The following TMEM244 variants were observed in gnomAD, a reference collection of about 807,000 sequenced individuals.
TMEM244 encodes the protein transmembrane protein 244, also known as putative transmembrane protein 244.
A neutral mutation model predicts 15.8 loss-of-function variants in TMEM244; 13 were observed. That is an observed-to-expected ratio of 0.82 (90% CI 0.53 to 1.30). The LOEUF is 1.30. Among genes scored for constraint, TMEM244 ranks in the 50% most tolerant of loss-of-function variants. The probability of loss-of-function intolerance (pLI) is 0.00; values close to 1 mark genes in which losing one functional copy is unlikely to be tolerated. For missense variants in TMEM244, 161 were observed against 144.9 expected, an observed-to-expected ratio of 1.11 and a Z score of -0.57; for synonymous variants, 45 against 48.7, an observed-to-expected ratio of 0.92 and a Z score of 0.32.
At chr6:129,848,776 G>T (rs1246307882) in intron 1 of TMEM244, among the ~76,000 whole-genome samples, 1 of 152,036 alleles carries the variant, frequency 6.6e-6, no homozygotes, top group East Asian at 1.9e-4. Context: ...CTTTGGGTTT[G>T]CTTTATTCTT....
At chr6:129,860,074 AG>A (rs1429361345) in intron 1 of TMEM244, among the ~76,000 whole-genome samples, 1 of 151,386 alleles carries the variant, frequency 6.6e-6, no homozygotes, top group Non-Finnish European at 1.5e-5. Flanking sequence ...GAGGAACTGC[AG>A]CAACTATCTG....
intron 4 of TMEM244, among the ~76,000 whole-genome samples, chr6:129,832,337 A>T (rs1776340085): frequency 6.6e-6 from 1 of 152,054 alleles, no homozygotes; most frequent in Admixed American, 6.6e-5. Context: ...ACCTCAGGTG[A>T]TCTGCCCACC....
At chr6:129,859,069 C>T (rs1179047824) in intron 1 of TMEM244, among the ~76,000 whole-genome samples, 3 of 152,102 alleles carry the variant, frequency 2.0e-5, no homozygotes, top group African/African-American at 7.2e-5. Context: ...GCTGGGATTA[C>T]AGGCATGAGC....
In TMEM244 at chr6:129,831,379, C is replaced by T. The variant is rs1776327229; in HGVS notation, c.327G>A (p.Leu109=). The change falls in exon 5 of 5, where the codon TTG becomes TTA. Residue 109 remains leucine, a synonymous_variant. Coordinates refer to ENST00000368143, the MANE Select transcript of TMEM244 (RefSeq NM_001010876.2). ...ACCAATGTGATGTCAAGGGGAATTC[C>T]AACATAACTGCAATAGAAAAAAAAT... ...LHVAITSTVM[L]EFPLTSHWWA... 1.3e-6 allele frequency: 2 copies of T among 1,571,236 alleles called. No homozygotes were observed.
chr6:129,856,711 T>G (rs376844395), intron 1 of TMEM244, among the ~76,000 whole-genome samples: 5 of 152,124 alleles, frequency 3.3e-5, no homozygotes, highest in Admixed American at 6.6e-5. Context: ...TTTCTTTTCT[T>G]TAAGGTTCTC....
At chr6:129,837,479 G>A (rs1265800406) in intron 3 of TMEM244, among the ~76,000 whole-genome samples, 1 of 151,998 alleles carries the variant, frequency 6.6e-6, no homozygotes, top group Non-Finnish European at 1.5e-5. Flanking sequence ...CATGCCAAAT[G>A]GTAAAGACTT....
At chr6:129,841,076 A>G (rs897166601) in intron 3 of TMEM244, among the ~76,000 whole-genome samples, 3 of 152,240 alleles carry the variant, frequency 2.0e-5, no homozygotes, top group Non-Finnish European at 4.4e-5. Flanking sequence ...ATTACTGGGC[A>G]TATACCCAAA....
chr6:129,838,625 A>T (rs1165052072), intron 3 of TMEM244, among the ~76,000 whole-genome samples: 2 of 152,214 alleles, frequency 1.3e-5, no homozygotes, highest in Admixed American at 6.5e-5. Flanking sequence ...ACCCTTCAAA[A>T]AAATCAGTGA....
intron 4 of TMEM244, 96 bp from the exon 5 acceptor site, chr6:129,831,482 C>A: frequency 1.2e-6 from 1 of 832,718 alleles, no homozygotes; most frequent in Middle Eastern, 2.4e-4. Flanking sequence ...ATCCACTCAA[C>A]AAGAGAAGGT....
chr6:129,860,133 GTGTGTGTGTGTGTGTC>G (rs1461108913), intron 1 of TMEM244, among the ~76,000 whole-genome samples: 1 of 145,936 alleles, frequency 6.9e-6, no homozygotes, highest in Non-Finnish European at 1.5e-5. Context: ...GTGTGTGTGT[GTGTGTGTGTGTGTGTC>G]TGTCTGTCTG....
At chr6:129,856,724 A>C (rs1776718505) in intron 1 of TMEM244, among the ~76,000 whole-genome samples, 2 of 151,976 alleles carry the variant, frequency 1.3e-5, no homozygotes, top group African/African-American at 4.8e-5. Flanking sequence ...AGGTTCTCAT[A>C]GCTATTTTTA....
At chr6:129,847,445 C>A (rs1456326994) in intron 1 of TMEM244, among the ~76,000 whole-genome samples, 1 of 152,142 alleles carries the variant, frequency 6.6e-6, no homozygotes, top group African/African-American at 2.4e-5. Flanking sequence ...CAGCTAGAGG[C>A]AAGAGGAGAA....
chr6:129,845,701 A>C, intron 2 of TMEM244, 66 bp downstream of exon 2: 1 of 1,157,362 alleles, frequency 8.6e-7, no homozygotes, highest in Non-Finnish European at 1.3e-6. Context: ...TGAAATGTTA[A>C]ATATAAACAT....
chr6:129,833,839 A>G (rs377502209), intron 3 of TMEM244, among the ~76,000 whole-genome samples: 6 of 152,224 alleles, frequency 3.9e-5, no homozygotes, highest in African/African-American at 1.2e-4. Context: ...ACATTTTAGA[A>G]GTGAAATACA....
intron 1 of TMEM244, among the ~76,000 whole-genome samples, chr6:129,854,670 A>T (rs146971586): frequency 6.6e-5 from 10 of 152,322 alleles, no homozygotes; most frequent in Non-Finnish European, 8.8e-5. Context: ...GTACAATTGT[A>T]TATAAAATGT....
chr6:129,833,684 A>G (rs1175829672), intron 3 of TMEM244, 99 bp from the exon 4 acceptor site: 22 of 1,258,868 alleles, frequency 1.7e-5, no homozygotes, highest in Middle Eastern at 2.0e-4. Flanking sequence ...TTTGAGAATA[A>G]ATTTTGGTAA....
At chr6:129,833,408 C>T in intron 4 of TMEM244, 52 bp downstream of exon 4, 2 of 1,573,012 alleles carry the variant, frequency 1.3e-6, no homozygotes, top group Non-Finnish European at 1.7e-6. Flanking sequence ...GGTTTATGTC[C>T]AACATCTGTT....
At chr6:129,838,138 C>A (rs542726628) in intron 3 of TMEM244, among the ~76,000 whole-genome samples, 1 of 152,184 alleles carries the variant, frequency 6.6e-6, no homozygotes. Flanking sequence ...AGCACCACAT[C>A]GCACTTACTC....
chr6:129,860,223 G>A (rs1776783378), intron 1 of TMEM244, among the ~76,000 whole-genome samples: 1 of 151,494 alleles, frequency 6.6e-6, no homozygotes, highest in Non-Finnish European at 1.5e-5. Context: ...TAAGAGAAAG[G>A]ATTTTATCTT....
Sources: gnomAD v4.1 joint callset for allele counts (sites outside exome capture counted in the v4.1 genomes callset) on GRCh38, gnomAD v4.1.1 for gene constraint, MANE v1.5 for transcripts, NCBI Gene and HGNC (gene_info 2026-07-23, HGNC 2026-07-21) for gene names.